C1orf210: variants seen among roughly 807,000 people sequenced by gnomAD.
C1orf210 encodes the protein chromosome 1 open reading frame 210.
In C1orf210, 3 loss-of-function variants were observed where a neutral mutation model predicts 3.7. That is an observed-to-expected ratio of 0.81 (90% confidence interval 0.37 to 2.08). The LOEUF is 2.08. Ranked by LOEUF, C1orf210 falls within the 30% of genes most tolerant of loss-of-function variation. The pLI, the probability that C1orf210 is intolerant of heterozygous loss-of-function variation, is 0.06. For synonymous variants in C1orf210, 62 were observed against 61.7 expected, an observed-to-expected ratio of 1.00 and a Z score of -0.02; for missense variants, 143 against 147.7, an observed-to-expected ratio of 0.97 and a Z score of 0.17.
chr1:43,284,320 T>G (rs751984697), intron 1 of C1orf210, among the ~76,000 whole-genome samples: 10 of 152,052 alleles, frequency 6.6e-5, no homozygotes, highest in Non-Finnish European at 1.5e-4. Context: ...GTGGAGCACC[T>G]GAACCAGGGG....
chr1:43,283,410 G>A, intron 1 of C1orf210, 42 bp from the exon 2 acceptor site: 1 of 1,197,468 alleles, frequency 8.4e-7, no homozygotes, highest in Non-Finnish European at 1.2e-6. Context: ...ATGGTCACAG[G>A]GTGCACTTTC....
At position 43,282,750 on chromosome 1, in the gene C1orf210, C is replaced by A. The variant is rs1459499086; in HGVS notation, c.*35G>T. 2 of 1,529,496 alleles carry A rather than the reference C, an allele frequency of 1.3e-6. No individual in the cohort carries two copies. The highest frequency in any genetic ancestry group is 1.8e-6 in the Non-Finnish European group (2 of 1,121,756). The allele number at this position is 1,529,496 out of a possible 1,614,324, so 94.7% of individuals were successfully genotyped here. A position where few individuals can be genotyped will look rare whatever the true frequency, so the allele number is the denominator to read the frequency against. ...TAACCACTGTCCTTAAGCTGTCAGG[C>A]ATGGAGGGAGTGGGGAGGGTCTAAA... On this transcript the variant is annotated 3_prime_UTR_variant, in exon 3 of 3. Coordinates refer to ENST00000523677, the MANE Select transcript of C1orf210 (RefSeq NM_182517.3).
At position 43,283,124 on chromosome 1, in the gene C1orf210, A is replaced by G. The variant is rs1239814197; in HGVS notation, c.20-17T>C. The G allele has an allele frequency of 6.2e-7, 1 of 1,608,750 alleles. No homozygotes were observed. The highest frequency in any genetic ancestry group is 2.2e-5 in the East Asian group (1 of 44,838). On this transcript the variant is annotated splice_polypyrimidine_tract_variant and intron_variant, in intron 2 of 2. Transcript: ENST00000523677. ...CAACAAGTGCTGCAGAGAAAGGGACAGCATTATAGGTGGGCCCCAGAGGGG... is the reference window on the plus strand; with the variant it reads ...CAACAAGTGCTGCAGAGAAAGGGACGGCATTATAGGTGGGCCCCAGAGGGG...
Position 43,283,243 on chromosome 1 carries a change from G to A in C1orf210, c.19+9C>T, listed in dbSNP as rs1417999410. ...CCCCCACCCCCATCATCCTCCCACT[G>A]TCACTCACTTTTGTTTGTCTCATTC... On this transcript the variant is annotated intron_variant, in intron 2 of 2. Transcript: ENST00000523677. 1 of 1,613,450 alleles carries A rather than the reference G, an allele frequency of 6.2e-7. No individual in the cohort carries two copies.
intron 1 of C1orf210, 48 bp from the exon 2 acceptor site, chr1:43,283,416 C>T (rs545755441): frequency 1.8e-6 from 2 of 1,092,420 alleles, no homozygotes; most frequent in South Asian, 1.7e-5. Context: ...ACAGGGTGCA[C>T]TTTCCAGGTC....
chr1:43,284,878 G>A (rs1462460657), intron 1 of C1orf210, among the ~76,000 whole-genome samples: 1 of 152,190 alleles, frequency 6.6e-6, no homozygotes, highest in African/African-American at 2.4e-5. Context: ...CTGCCTGTGA[G>A]GTTGTCCCTG....
rs554752457 is a variant in C1orf210, at chr1:43,283,246, A to G, written c.19+6T>C. 2.5e-6 allele frequency: 4 copies of G among 1,613,168 alleles called. No individual in the cohort carries two copies. Among genetic ancestry groups the G allele is most frequent in the Admixed American group, 3.3e-5 (2 of 59,958 alleles). Reference sequence around the variant, plus strand: ...CCACCCCCATCATCCTCCCACTGTCACTCACTTTTGTTTGTCTCATTCATG... The same window carrying G: ...CCACCCCCATCATCCTCCCACTGTCGCTCACTTTTGTTTGTCTCATTCATG... On this transcript the variant is annotated splice_donor_region_variant and intron_variant, in intron 2 of 2. Transcript: ENST00000523677.
Position 43,282,896 on chromosome 1 carries a change from GC to G in C1orf210, c.230del (p.Arg77ProfsTer51). The G allele has an allele frequency of 3.7e-6, 6 of 1,614,118 alleles. No homozygotes were observed. The highest frequency in any genetic ancestry group is 5.1e-6 in the Non-Finnish European group (6 of 1,179,962). Reference sequence around the variant, plus strand: ...CATCCTCATCTTCAGCCACCTGTGGGCGGCCTCCCCTTCCTGTCTCAGGCAG... The same window carrying G: ...CATCCTCATCTTCAGCCACCTGTGGGGGCCTCCCCTTCCTGTCTCAGGCAG... Reference protein sequence around the residue: ...RPLPETGRGGRPQVAEDEDDD... With the variant: ...RPLPETGRGGXPQVAEDEDDD... On this transcript the variant is annotated frameshift_variant, in exon 3 of 3. Coordinates refer to ENST00000523677, the MANE Select transcript of C1orf210 (RefSeq NM_182517.3). LOFTEE classifies it high-confidence loss of function.
At position 43,282,916 on chromosome 1, in the gene C1orf210, C is replaced by T; in HGVS notation, c.211G>A (p.Glu71Lys). Reference sequence around the variant, plus strand: ...TGTGGGCGGCCTCCCCTTCCTGTCTCAGGCAGTGGGCGGTGCCGGTAGCTG... The same window carrying T: ...TGTGGGCGGCCTCCCCTTCCTGTCTTAGGCAGTGGGCGGTGCCGGTAGCTG... ...HASYRHRPLPETGRGGRPQVA... is the reference protein window; with the variant it reads ...HASYRHRPLPKTGRGGRPQVA... The change falls in exon 3 of 3, where the codon GAG becomes AAG. Residue 71 changes from glutamate (E) to lysine (K), a missense_variant. Physicochemically the swap from Glu to Lys is moderately conservative, Grantham distance 56 (BLOSUM62 1). Transcript: ENST00000523677. 6.2e-7 allele frequency: 1 copy of T among 1,614,162 alleles called. No individual in the cohort carries two copies. Among genetic ancestry groups the T allele is most frequent in the Non-Finnish European group, 8.5e-7 (1 of 1,180,014 alleles).
chr1:43,283,198 C>T, intron 2 of C1orf210, 54 bp downstream of exon 2: 1 of 1,602,838 alleles, frequency 6.2e-7, no homozygotes, highest in Non-Finnish European at 8.5e-7. Context: ...TTCCCCCAAC[C>T]CCAGCATCTA....
chr1:43,284,511 C>T (rs144876183), intron 1 of C1orf210, among the ~76,000 whole-genome samples: 401 of 152,208 alleles, frequency 2.6e-3, no homozygotes, highest in Admixed American at 5.1e-3. Context: ...ATACCCTCTT[C>T]TCCACCCCAC....
intron 1 of C1orf210, among the ~76,000 whole-genome samples, chr1:43,284,922 C>T (rs551105566): frequency 3.4e-4 from 52 of 152,358 alleles, no homozygotes; most frequent in African/African-American, 1.2e-3. Context: ...CCATCCTGCC[C>T]AGTCAACCAC....
At position 43,283,066 on chromosome 1, in the gene C1orf210, C is replaced by T. The variant is rs1557429916; in HGVS notation, c.61G>A (p.Ala21Thr). 1.9e-6 allele frequency: 3 copies of T among 1,613,958 alleles called. No individual in the cohort carries two copies. Among genetic ancestry groups the T allele is most frequent in the Admixed American group, 1.7e-5 (1 of 60,004 alleles). ...PSELPTASAV[A>T]PGPGTGARAW... ...CGAGCCCCAGTGCCTGGGCCAGGGG[C>T]CACAGCAGACGCTGTGGGGAGCTCC... The change falls in exon 3 of 3, where the codon GCC becomes ACC. Residue 21 changes from alanine (A) to threonine (T), a missense_variant. By Grantham distance (58) the Ala-to-Thr change is moderately conservative. Transcript: ENST00000523677.
Position 43,282,634 on chromosome 1 carries a change from GC to G in C1orf210, c.*150del. 1.5e-6 allele frequency: 1 copy of G among 669,024 alleles called. No homozygotes were observed. The highest frequency in any genetic ancestry group is 1.9e-5 in the South Asian group (1 of 51,648). The allele number at this position is 669,024 out of a possible 1,614,324, so 41.4% of individuals were successfully genotyped here. The stretch of plus-strand genomic sequence containing the variant: ...AGAGAGGGTCATTGTCACTTTGCTG[GC>G]TAGTGTCAGGGAAGTGGGGTTTACT... On this transcript the variant is annotated 3_prime_UTR_variant, in exon 3 of 3. Coordinates refer to ENST00000523677, the MANE Select transcript of C1orf210 (RefSeq NM_182517.3).
chr1:43,283,954 G>A (rs1447696968), intron 1 of C1orf210, among the ~76,000 whole-genome samples: 1 of 152,158 alleles, frequency 6.6e-6, no homozygotes, highest in African/African-American at 2.4e-5. Context: ...GTTGAAAGCC[G>A]CTGCTGCCCA....
In C1orf210 at chr1:43,283,008, C is replaced by T. The variant is rs1646556871; in HGVS notation, c.119G>A (p.Gly40Glu). ...AATGAGGAGCGAGAGGACCACAGCC[C>T]CCAGCACAAATCCTACCAGCACAGG... ...AWPVLVGFVL[G>E]AVVLSLLIAL... The change falls in exon 3 of 3, where the codon GGG becomes GAG. Residue 40 changes from glycine to glutamate, a missense_variant. Physicochemically the swap from Gly to Glu is moderately conservative, Grantham distance 98. Coordinates refer to ENST00000523677, the MANE Select transcript of C1orf210 (RefSeq NM_182517.3). The T allele has an allele frequency of 2.5e-6, 4 of 1,613,942 alleles. No homozygotes were observed. The Admixed American group carries it at 6.7e-5, about 27-fold the overall frequency.
chr1:43,282,135 G>C lies in C1orf210; in HGVS notation c.*650C>G, dbSNP rs573095643. 3 of 152,222 alleles carry C rather than the reference G, an allele frequency of 2.0e-5. No individual in the cohort carries two copies. Among genetic ancestry groups the C allele is most frequent in the African/African-American group, 7.2e-5 (3 of 41,520 alleles). 9.4% of individuals were successfully genotyped at this position (152,222 alleles called of 1,614,324 possible). A position where few individuals can be genotyped will look rare whatever the true frequency, so the allele number is the denominator to read the frequency against. On this transcript the variant is annotated 3_prime_UTR_variant, in exon 3 of 3. Coordinates refer to ENST00000523677, the MANE Select transcript of C1orf210 (RefSeq NM_182517.3). Reference sequence around the variant, plus strand: ...TAAAAATTAGCTGGGCGTGGTGGCGGATGCCTGTAATCCCAGCTACTCAGG... The same window carrying C: ...TAAAAATTAGCTGGGCGTGGTGGCGCATGCCTGTAATCCCAGCTACTCAGG...
rs1646554050 is a variant in C1orf210 at position 43,282,731 on chromosome 1, C to T, written c.*54G>A. 12 of 1,490,040 alleles carry T rather than the reference C, an allele frequency of 8.1e-6. No individual in the cohort carries two copies. The South Asian group carries it at 1.5e-4, about 19-fold the overall frequency. The allele number at this position is 1,490,040 out of a possible 1,614,324, so 92.3% of individuals were successfully genotyped here. On this transcript the variant is annotated 3_prime_UTR_variant, in exon 3 of 3. Transcript: ENST00000523677. ...GTTCAAGGCCCCCATGTCATAACCACTGTCCTTAAGCTGTCAGGCATGGAG... is the reference window on the plus strand; with the variant it reads ...GTTCAAGGCCCCCATGTCATAACCATTGTCCTTAAGCTGTCAGGCATGGAG...
At position 43,282,683 on chromosome 1, in the gene C1orf210, C is replaced by A; in HGVS notation, c.*102G>T. 1 of 1,247,896 alleles carries A rather than the reference C, an allele frequency of 8.0e-7. No homozygotes were observed. Among genetic ancestry groups the A allele is most frequent in the Non-Finnish European group, 1.1e-6 (1 of 894,724 alleles). 77.3% of individuals were successfully genotyped at this position (1,247,896 alleles called of 1,614,324 possible). ...ACTCCATCCCTGGCCAACCTTTAAGCCCCAGCCACCTCTGTCCCTGAGGTT... is the reference window on the plus strand; with the variant it reads ...ACTCCATCCCTGGCCAACCTTTAAGACCCAGCCACCTCTGTCCCTGAGGTT... On this transcript the variant is annotated 3_prime_UTR_variant, in exon 3 of 3. Transcript: ENST00000523677.
Sources: allele counts gnomAD v4.1 joint callset (sites outside exome capture counted in the v4.1 genomes callset), GRCh38; gene constraint gnomAD v4.1.1; transcripts MANE v1.5; gene names NCBI Gene and HGNC (gene_info 2026-07-23, HGNC 2026-07-21).